Variants in PKP2 observed in about 807,000 individuals in gnomAD.
The protein encoded by PKP2 is plakophilin-2.
A neutral mutation model predicts 83.4 loss-of-function variants in PKP2; 73 were observed. The observed-to-expected ratio is 0.88, with a 90% CI of 0.72 to 1.06. The LOEUF is 1.06. Ranked by LOEUF, PKP2 falls within the 50% of genes least tolerant of loss-of-function variation. The probability of loss-of-function intolerance (pLI) is 0.00; values close to 1 mark genes in which losing one functional copy is unlikely to be tolerated. For missense variants in PKP2, 966 were observed against 1,065.4 expected (o/e 0.91, Z 1.30); for synonymous variants, 409 against 430.4 (o/e 0.95, Z 0.62).
chr12:32,822,628 T>G lies in PKP2; in HGVS notation c.1678A>C (p.Thr560Pro), dbSNP rs766720695. 6.2e-7 allele frequency: 1 copy of G among 1,614,062 alleles called. No individual in the cohort carries two copies. Among genetic ancestry groups the G allele is most frequent in the East Asian group, 2.2e-5 (1 of 44,876 alleles). The change falls in exon 8 of 13, where the codon ACG becomes CCG. Residue 560 changes from threonine to proline, a missense_variant. By Grantham distance (38) the Thr-to-Pro change is conservative. Transcript: ENST00000340811. ...TGAAGAATGCACACACAATTCTCCGTGGCCTGAGAAAACAGGACAAGAATA... is the reference window on the plus strand; with the variant it reads ...TGAAGAATGCACACACAATTCTCCGGGGCCTGAGAAAACAGGACAAGAATA... ...IADYQPDDKA[T>P]ENCVCILHNL... is the part of the protein sequence containing the mutation.
intron 4 of PKP2, among the ~76,000 whole-genome samples, chr12:32,868,011 C>G (rs1331894249): frequency 6.6e-6 from 1 of 152,094 alleles, no homozygotes; most frequent in Non-Finnish European, 1.5e-5. Flanking sequence ...ACAATTGTTA[C>G]AAATGTTAAT....
At position 32,877,957 on chromosome 12, in the gene PKP2, A is replaced by G; in HGVS notation, c.923T>C (p.Val308Ala). The G allele has an allele frequency of 6.2e-7, 1 of 1,614,192 alleles. No homozygotes were observed. The highest frequency in any genetic ancestry group is 1.1e-5 in the South Asian group (1 of 91,088). ...TCTCCTCCCGCTGGAATCCACGGCG[A>G]CACTGGGCCCAGCTTCCCTCAGCGT... ...TRTLREAGPS[V>A]AVDSSGRRAH... The change falls in exon 3 of 13, where the codon GTC (valine) becomes GCC (alanine). Residue 308 changes from valine to alanine, a missense_variant. By Grantham distance (64) the Val-to-Ala change is moderately conservative. Coordinates refer to ENST00000340811, the MANE Select transcript of PKP2 (RefSeq NM_001005242.3).
At chr12:32,872,394 C>T (rs544495016) in intron 3 of PKP2, among the ~76,000 whole-genome samples, 30 of 152,052 alleles carry the variant, frequency 2.0e-4, no homozygotes, top group Non-Finnish European at 3.8e-4. Context: ...ATTAGCTGGG[C>T]GTGGTGGCGG....
intron 1 of PKP2, among the ~76,000 whole-genome samples, chr12:32,890,275 G>A (rs1957066686): frequency 6.6e-6 from 1 of 151,936 alleles, no homozygotes; most frequent in African/African-American, 2.4e-5. Flanking sequence ...ATGAAAAAGA[G>A]TAATCAAGAT....
At chr12:32,848,443 G>C (rs1177006161) in intron 5 of PKP2, among the ~76,000 whole-genome samples, 1 of 151,944 alleles carries the variant, frequency 6.6e-6, no homozygotes. Flanking sequence ...AAAGAGAATA[G>C]AGAGAGTAGC....
chr12:32,800,425 T>C (rs990087326), intron 10 of PKP2, among the ~76,000 whole-genome samples: 3 of 152,232 alleles, frequency 2.0e-5, no homozygotes, highest in Non-Finnish European at 4.4e-5. Flanking sequence ...AGGTAAGACA[T>C]ACCTTTTGCT....
chr12:32,818,451 ACT>A (rs1175176535), intron 9 of PKP2, among the ~76,000 whole-genome samples: 4 of 151,920 alleles, frequency 2.6e-5, no homozygotes, highest in Non-Finnish European at 4.4e-5. Flanking sequence ...ACAGAATGAG[ACT>A]CTGTCTCAAA....
chr12:32,796,007 T>C (rs770411816), intron 11 of PKP2, 102 bp downstream of exon 11: 18 of 1,046,856 alleles, frequency 1.7e-5, no homozygotes, highest in South Asian at 6.3e-5. Context: ...TGCTGCCATG[T>C]TGCACATGAT....
chr12:32,869,738 G>C (rs899383165), intron 3 of PKP2, among the ~76,000 whole-genome samples: 1 of 152,158 alleles, frequency 6.6e-6, no homozygotes, highest in African/African-American at 2.4e-5. Context: ...ATTATTTCTA[G>C]GCTGGGCACG....
At chr12:32,804,666 GTGTA>G (rs1457091105) in intron 9 of PKP2, among the ~76,000 whole-genome samples, 1 of 152,178 alleles carries the variant, frequency 6.6e-6, no homozygotes, top group Non-Finnish European at 1.5e-5. Context: ...ATTCCATGGT[GTGTA>G]TGTATGACAT....
chr12:32,818,948 T>C (rs1228847629), intron 9 of PKP2, among the ~76,000 whole-genome samples: 1 of 152,004 alleles, frequency 6.6e-6, no homozygotes, highest in African/African-American at 2.4e-5. Flanking sequence ...AAAAAACACA[T>C]ATGTCAAAAT....
intron 1 of PKP2, among the ~76,000 whole-genome samples, chr12:32,883,574 A>G (rs1179869217): frequency 6.6e-6 from 1 of 152,258 alleles, no homozygotes; most frequent in Non-Finnish European, 1.5e-5. Flanking sequence ...ATCCAGCTTT[A>G]AACAAATCCA....
At chr12:32,869,211 C>G in intron 3 of PKP2, 149 bp from the exon 4 acceptor site, 1 of 857,616 alleles carries the variant, frequency 1.2e-6, no homozygotes, top group East Asian at 2.5e-5. Context: ...AAATCAGCAC[C>G]CAAGATCACA....
chr12:32,859,668 C>A (rs1452570843), intron 4 of PKP2, among the ~76,000 whole-genome samples: 1 of 152,146 alleles, frequency 6.6e-6, no homozygotes, highest in Non-Finnish European at 1.5e-5. Context: ...GGTGGCCAGG[C>A]TGGTCTTGAA....
At chr12:32,838,958 TAGG>T (rs1237276972) in intron 6 of PKP2, among the ~76,000 whole-genome samples, 1 of 152,206 alleles carries the variant, frequency 6.6e-6, no homozygotes, top group Non-Finnish European at 1.5e-5. Context: ...TTTAAATCGT[TAGG>T]AGATTAAGTA....
rs1224258477 is a variant in PKP2, at chr12:32,792,277, T to C, written c.*147A>G. ...CTTCTGGAAGACTCATAAAATTATGTTCTATTTGTTTTCTGGATTCAGGGG... is the reference window on the plus strand; with the variant it reads ...CTTCTGGAAGACTCATAAAATTATGCTCTATTTGTTTTCTGGATTCAGGGG... On this transcript the variant is annotated 3_prime_UTR_variant, in exon 13 of 13. Transcript: ENST00000340811. 6.7e-5 allele frequency: 48 copies of C among 716,762 alleles called. No individual in the cohort carries two copies. The highest frequency in any genetic ancestry group is 3.7e-4 in the Middle Eastern group (1 of 2,678). 44.4% of individuals were successfully genotyped at this position (716,762 alleles called of 1,614,324 possible). A position where few individuals can be genotyped will look rare whatever the true frequency, so the allele number is the denominator to read the frequency against.
chr12:32,823,371 C>T (rs796641243), intron 7 of PKP2, among the ~76,000 whole-genome samples: 29 of 145,916 alleles, frequency 2.0e-4, no homozygotes, highest in African/African-American at 4.3e-4. Context: ...GAGCTGAGAT[C>T]GCACCACTGC....
intron 1 of PKP2, among the ~76,000 whole-genome samples, chr12:32,882,679 C>A (rs1206178624): frequency 6.6e-6 from 1 of 152,214 alleles, no homozygotes; most frequent in Non-Finnish European, 1.5e-5. Flanking sequence ...GAACTCCTTA[C>A]ATTTCAATGT....
chr12:32,810,261 T>C (rs912331163), intron 9 of PKP2, among the ~76,000 whole-genome samples: 5 of 152,244 alleles, frequency 3.3e-5, no homozygotes, highest in Admixed American at 6.5e-5. Flanking sequence ...TAGAGCCTTG[T>C]TATCAATGTT....
Sources: gnomAD v4.1 joint callset for allele counts (sites outside exome capture counted in the v4.1 genomes callset) on GRCh38, gnomAD v4.1.1 for gene constraint, MANE v1.5 for transcripts, NCBI Gene and HGNC (gene_info 2026-07-23, HGNC 2026-07-21) for gene names.